TCEA3: variants seen among roughly 807,000 people sequenced by gnomAD.
TCEA3 encodes the protein transcription elongation factor A protein 3.
A neutral mutation model predicts 44.0 loss-of-function variants in TCEA3; 36 were observed. The observed-to-expected ratio is 0.82, with a 90% CI of 0.63 to 1.08. The LOEUF (loss-of-function observed/expected upper bound fraction) is 1.08. Among genes scored for constraint, TCEA3 ranks in the 50% least tolerant of loss-of-function variants. TCEA3 has a pLI of 0.00. For missense variants in TCEA3, 392 were observed against 441.2 expected (o/e 0.89, Z 1.00); for synonymous variants, 162 against 159.7 (o/e 1.01, Z -0.11).
chr1:23,382,370 A>G (rs1469493977), intron 10 of TCEA3, among the ~76,000 whole-genome samples: 1 of 152,198 alleles, frequency 6.6e-6, no homozygotes, highest in African/African-American at 2.4e-5. Flanking sequence ...GTAAGGAAGC[A>G]GATCAGAGAG....
At position 23,387,409 on chromosome 1, in the gene TCEA3, C is replaced by A. The variant is rs754661761; in HGVS notation, c.830G>T (p.Ser277Ile). The A allele has an allele frequency of 1.4e-5, 23 of 1,603,106 alleles. No homozygotes were observed. The highest frequency in any genetic ancestry group is 1.7e-6 in the Non-Finnish European group (2 of 1,174,730). Reference protein sequence around the residue: ...IAKMTAEEMASDELRELRNAM... With the variant: ...IAKMTAEEMAIDELRELRNAM... ...ATTCCTCAACTCCCTCAGTTCATCA[C>A]TGGCCATTTCCTGGAGAAAAAAGAG... Residue 277 changes from serine to isoleucine, a missense_variant, in exon 9 of 11, where the codon AGT becomes ATT. Transcript: ENST00000450454.
chr1:23,399,144 G>GTATATCTATATATA (rs1639312032), intron 5 of TCEA3, among the ~76,000 whole-genome samples: 4 of 61,166 alleles, frequency 6.5e-5, no homozygotes, highest in Non-Finnish European at 9.4e-5. Context: ...ATGTATATAT[G>GTATATCTATATATA]TATATATATA....
At position 23,408,064 on chromosome 1, in the gene TCEA3, C is replaced by A. The variant is rs187099761; in HGVS notation, c.443+600G>T. On this transcript the variant is annotated intron_variant, in intron 5 of 10. Transcript: ENST00000450454. ...GCAACCTCTGCCTCCTGGGTTCAAG[C>A]GATTCTCCTGCCTCAGCCTCCCGAG... 4.6e-5 allele frequency among the ~76,000 whole-genome samples: 7 copies of A among 152,158 alleles called. No homozygotes were observed. The South Asian group carries it at 1.5e-3, about 32-fold the overall frequency.
intron 1 of TCEA3, among the ~76,000 whole-genome samples, chr1:23,423,667 C>T (rs1264794136): frequency 6.6e-6 from 1 of 152,240 alleles, no homozygotes; most frequent in Non-Finnish European, 1.5e-5. Context: ...GGCATGCTCA[C>T]CAGGCTCCCT....
At chr1:23,408,858 C>T in intron 4 of TCEA3, 132 bp from the exon 5 acceptor site, 1 of 781,852 alleles carries the variant, frequency 1.3e-6, no homozygotes, top group Non-Finnish European at 2.0e-6. Flanking sequence ...GCCACAGCTA[C>T]TTGGGAGAGG....
At chr1:23,397,690 C>T (rs2275355) in intron 6 of TCEA3, 89 bp from the exon 7 acceptor site, 1,096,387 of 1,604,490 alleles carry the variant, frequency 0.68, 387,393 homozygotes, top group Non-Finnish European at 0.72. Flanking sequence ...TGTTCCTGTA[C>T]CATCCCTTGG....
chr1:23,402,331 CTG>C lies in TCEA3; in HGVS notation c.444-4378_444-4377del, dbSNP rs1639422522. The stretch of plus-strand genomic sequence containing the variant: ...CATCAGCCTGAGTGACCGAGTGAGA[CTG>C]TGTTTCCAAAAAAACAAACAAAAAC... On this transcript the variant is annotated intron_variant, in intron 5 of 10. Transcript: ENST00000450454. Among the ~76,000 whole-genome samples, 4 of 152,278 alleles carry C rather than the reference CTG, an allele frequency of 2.6e-5. No homozygotes were observed. In the South Asian group the frequency reaches 8.3e-4, roughly 32 times the overall value.
At chr1:23,390,290 G>A (rs909051690) in intron 8 of TCEA3, among the ~76,000 whole-genome samples, 35 of 152,254 alleles carry the variant, frequency 2.3e-4, no homozygotes, top group African/African-American at 7.2e-4. Flanking sequence ...CCAACATGGC[G>A]AAACTTCGTC....
At chr1:23,404,649 G>A (rs1297724097) in intron 5 of TCEA3, among the ~76,000 whole-genome samples, 2 of 152,012 alleles carry the variant, frequency 1.3e-5, no homozygotes, top group Non-Finnish European at 2.9e-5. Flanking sequence ...ATGTGAATAT[G>A]TTGCTGATAC....
rs72882921 is a variant in TCEA3 at position 23,382,853 on chromosome 1, A to G, written c.1039-1379T>C. ...AGCCCATGCTCTAAACCAGTAGGCC[A>G]CTATACTGGCCCCATCCCTAAGTGC... On this transcript the variant is annotated intron_variant, in intron 10 of 10. Coordinates refer to ENST00000450454, the MANE Select transcript of TCEA3 (RefSeq NM_003196.3). Among the ~76,000 whole-genome samples the G allele has an allele frequency of 8.1e-3, 1,239 of 152,362 alleles. 19 individuals carry two copies. Among genetic ancestry groups the G allele is most frequent in the African/African-American group, 0.029 (1,187 of 41,586 alleles).
At chr1:23,388,773 C>T (rs1638930621) in intron 8 of TCEA3, among the ~76,000 whole-genome samples, 1 of 152,050 alleles carries the variant, frequency 6.6e-6, no homozygotes, top group Non-Finnish European at 1.5e-5. Flanking sequence ...TCAACCTCCC[C>T]AGGCTCAAAC....
intron 4 of TCEA3, among the ~76,000 whole-genome samples, chr1:23,415,646 G>A (rs1265249884): frequency 6.6e-6 from 1 of 152,236 alleles, no homozygotes; most frequent in Non-Finnish European, 1.5e-5. Flanking sequence ...GCAGTATTCA[G>A]TAAATGTTCA....
intron 8 of TCEA3, among the ~76,000 whole-genome samples, chr1:23,387,803 C>A (rs1436465329): frequency 6.6e-6 from 1 of 152,172 alleles, no homozygotes; most frequent in East Asian, 1.9e-4. Context: ...TCCCCTTAGC[C>A]TTCCTCTCTA....
At chr1:23,403,338 G>A (rs535478359) in intron 5 of TCEA3, 17 of 152,196 alleles carry the variant, frequency 1.1e-4, no homozygotes, top group Non-Finnish European at 2.5e-4. Flanking sequence ...CCTTGGGTGA[G>A]TTCCTTAACC....
chr1:23,383,582 T>A, intron 10 of TCEA3: 3 of 984,592 alleles, frequency 3.0e-6, no homozygotes, highest in Non-Finnish European at 3.6e-6. Flanking sequence ...GAATGGGACC[T>A]GAAACCAGGG....
chr1:23,416,154 G>A (rs1339904983), intron 4 of TCEA3, among the ~76,000 whole-genome samples: 1 of 151,896 alleles, frequency 6.6e-6, no homozygotes, highest in African/African-American at 2.4e-5. Context: ...TTACAGGCAT[G>A]TGCCACCACA....
intron 9 of TCEA3, among the ~76,000 whole-genome samples, chr1:23,386,374 A>G (rs1210239245): frequency 6.6e-6 from 1 of 151,908 alleles, no homozygotes; most frequent in Non-Finnish European, 1.5e-5. Context: ...AGTAGCTGGG[A>G]CTACAGGCAC....
intron 2 of TCEA3, chr1:23,418,306 C>T: frequency 2.7e-6 from 1 of 372,630 alleles, no homozygotes; most frequent in Non-Finnish European, 5.0e-6. Flanking sequence ...CTCCCATTCC[C>T]AACCCTCTAG....
chr1:23,389,123 A>C (rs114341519), intron 8 of TCEA3, among the ~76,000 whole-genome samples: 1 of 152,216 alleles, frequency 6.6e-6, no homozygotes, highest in African/African-American at 2.4e-5. Flanking sequence ...CCATTTACCC[A>C]TATGAGTAAA....
Sources: allele counts gnomAD v4.1 joint callset (sites outside exome capture counted in the v4.1 genomes callset), GRCh38; gene constraint gnomAD v4.1.1; transcripts MANE v1.5; gene names NCBI Gene and HGNC (gene_info 2026-07-23, HGNC 2026-07-21).